The following BICD1 variants were observed in gnomAD, a reference collection of about 807,000 sequenced individuals.
BICD1 encodes the protein BICD cargo adaptor 1.
A neutral mutation model predicts 92.5 loss-of-function variants in BICD1; 35 were observed. The observed-to-expected ratio is 0.38, with a 90% CI of 0.29 to 0.50. BICD1 has a LOEUF of 0.50. BICD1 is among the 20% of genes least tolerant of loss of function. The pLI is 0.93. For synonymous variants in BICD1, 429 were observed against 465.1 expected (o/e 0.92, Z 1.00); for missense variants, 950 against 1,189.8 (o/e 0.80, Z 2.97).
chr12:32,324,723 G>A lies in BICD1; in HGVS notation c.1006-2738G>A, dbSNP rs528211574. ...CCCCAGTAGCTGGGATTACAGGTGCGTGCCACCTTGCCCGGCTAATTTTTT... is the reference window on the plus strand; with the variant it reads ...CCCCAGTAGCTGGGATTACAGGTGCATGCCACCTTGCCCGGCTAATTTTTT... On this transcript the variant is annotated intron_variant, in intron 4 of 9. Transcript: ENST00000652176. Among the ~76,000 whole-genome samples, 270 of 152,014 alleles carry A rather than the reference G, an allele frequency of 1.8e-3. 3 individuals are homozygous for A. The highest frequency in any genetic ancestry group is 6.1e-3 in the African/African-American group (255 of 41,492).
At chr12:32,267,645 A>G (rs139632229) in intron 2 of BICD1, among the ~76,000 whole-genome samples, 55 of 152,306 alleles carry the variant, frequency 3.6e-4, no homozygotes, top group Non-Finnish European at 7.2e-4. Context: ...TATTTAAGAA[A>G]TTCTCTGCTG....
intron 1 of BICD1, among the ~76,000 whole-genome samples, chr12:32,168,624 G>C (rs1160955599): frequency 6.6e-6 from 1 of 152,210 alleles, no homozygotes; most frequent in African/African-American, 2.4e-5. Flanking sequence ...GAGCAAGGCA[G>C]GAACTTGGGA....
chr12:32,126,071 C>T (rs966369251), intron 1 of BICD1, among the ~76,000 whole-genome samples: 2 of 146,194 alleles, frequency 1.4e-5, no homozygotes, highest in African/African-American at 5.1e-5. Context: ...AAAAAAAAAG[C>T]AGTGCATCAA....
chr12:32,163,784 A>G (rs1943669549), intron 1 of BICD1, among the ~76,000 whole-genome samples: 1 of 152,178 alleles, frequency 6.6e-6, no homozygotes, highest in Non-Finnish European at 1.5e-5. Context: ...AGTTAGAATC[A>G]TGAGACTGAT....
At chr12:32,243,264 A>ATTTT (rs71068310) in intron 2 of BICD1, among the ~76,000 whole-genome samples, 86 of 74,026 alleles carry the variant, frequency 1.2e-3, no homozygotes, top group African/African-American at 2.3e-3. Context: ...TGCCTGGCTA[A>ATTTT]TTTTTTTTTT....
intron 2 of BICD1, chr12:32,227,836 G>A (rs1229540804): frequency 1.3e-5 from 2 of 153,790 alleles, no homozygotes; most frequent in East Asian, 1.9e-4. Flanking sequence ...TAACTTGTAT[G>A]AACCCCAGCC....
intron 8 of BICD1, among the ~76,000 whole-genome samples, chr12:32,365,955 G>A (rs1306966128): frequency 2.6e-5 from 4 of 152,138 alleles, no homozygotes; most frequent in East Asian, 3.9e-4. Context: ...ATGATCATCC[G>A]AACACCAGCT....
At chr12:32,229,110 G>A (rs143333658) in intron 2 of BICD1, among the ~76,000 whole-genome samples, 51 of 152,244 alleles carry the variant, frequency 3.3e-4, no homozygotes, top group African/African-American at 1.0e-3. Flanking sequence ...AATTAGCCGG[G>A]CGTGGTGGTG....
intron 2 of BICD1, among the ~76,000 whole-genome samples, chr12:32,282,577 A>G (rs1384077020): frequency 1.3e-5 from 2 of 152,096 alleles, no homozygotes; most frequent in Non-Finnish European, 2.9e-5. Context: ...TGGATTTGAG[A>G]ATCATCAGCA....
intron 7 of BICD1, chr12:32,338,493 A>G: frequency 3.8e-6 from 1 of 262,736 alleles, no homozygotes; most frequent in Non-Finnish European, 7.0e-6. Flanking sequence ...TTTTCGGTTA[A>G]TGGTAACATT....
intron 5 of BICD1, among the ~76,000 whole-genome samples, chr12:32,330,576 A>AATATAT (rs375801223): frequency 1.3e-4 from 19 of 149,486 alleles, no homozygotes; most frequent in African/African-American, 4.6e-4. Flanking sequence ...AGTAAATTAA[A>AATATAT]ATATATATAT....
chr12:32,294,086 T>G lies in BICD1; in HGVS notation c.519T>G (p.Thr173=), dbSNP rs1326389498. Residue 173 remains threonine (T), a synonymous_variant, in exon 3 of 10, where the codon ACT becomes ACG. Coordinates refer to ENST00000652176, the MANE Select transcript of BICD1 (RefSeq NM_001714.4). ...AGGCACGGCTCCTTCAGGACTATACTGAATTGGAAGAAGAAAATATCACAT... is the reference window on the plus strand; with the variant it reads ...AGGCACGGCTCCTTCAGGACTATACGGAATTGGAAGAAGAAAATATCACAT... ...FREARLLQDY[T]ELEEENITLQ... 1 of 1,610,692 alleles carries G rather than the reference T, an allele frequency of 6.2e-7. No individual in the cohort carries two copies. Among genetic ancestry groups the G allele is most frequent in the South Asian group, 1.1e-5 (1 of 89,868 alleles).
intron 3 of BICD1, among the ~76,000 whole-genome samples, chr12:32,298,042 GTGTGATGA>G (rs1947922097): frequency 6.6e-6 from 1 of 151,976 alleles, no homozygotes; most frequent in Non-Finnish European, 1.5e-5. Context: ...AATTAACCAA[GTGTGATGA>G]TGCACACCTG....
At chr12:32,167,982 T>G (rs2121513646) in intron 1 of BICD1, among the ~76,000 whole-genome samples, 1 of 150,880 alleles carries the variant, frequency 6.6e-6, no homozygotes, top group South Asian at 2.1e-4. Flanking sequence ...CCTCAACAGG[T>G]AACATGAAGG....
intron 2 of BICD1, among the ~76,000 whole-genome samples, chr12:32,222,270 T>C (rs1945554548): frequency 6.6e-6 from 1 of 152,238 alleles, no homozygotes; most frequent in Non-Finnish European, 1.5e-5. Flanking sequence ...AAATGAATTA[T>C]CGACCTTAGT....
chr12:32,332,025 A>G (rs889094269), intron 5 of BICD1, among the ~76,000 whole-genome samples: 4 of 152,194 alleles, frequency 2.6e-5, no homozygotes, highest in Non-Finnish European at 4.4e-5. Context: ...TAGGCATTCT[A>G]CTATACAGCC....
intron 1 of BICD1, among the ~76,000 whole-genome samples, chr12:32,207,919 C>T (rs1400666911): frequency 1.3e-5 from 2 of 152,148 alleles, no homozygotes; most frequent in Non-Finnish European, 2.9e-5. Context: ...TAAACGGCCA[C>T]CTGATTCTTG....
chr12:32,231,515 G>C (rs1945886026), intron 2 of BICD1, among the ~76,000 whole-genome samples: 2 of 151,604 alleles, frequency 1.3e-5, no homozygotes, highest in African/African-American at 2.4e-5. Flanking sequence ...AACATCATTT[G>C]GACACAGCTT....
chr12:32,328,960 G>A lies in BICD1; in HGVS notation c.2100+405G>A, dbSNP rs1350702482. On this transcript the variant is annotated intron_variant, in intron 5 of 9. Transcript: ENST00000652176. The surrounding 1 kb of genome is among the most constrained non-coding windows in gnomAD (Gnocchi z 4.4). ...ATACAGCAAGAAAGACAAACACCCA[G>A]CAGGCAGCTAGAGCAAACAGAGGGA... is the stretch of plus-strand genomic sequence containing the variant. 6.6e-6 allele frequency among the ~76,000 whole-genome samples: 1 copy of A among 152,150 alleles called. No individual in the cohort carries two copies. Among genetic ancestry groups the A allele is most frequent in the Admixed American group, 6.5e-5 (1 of 15,280 alleles).
Sources: allele counts gnomAD v4.1 joint callset (sites outside exome capture counted in the v4.1 genomes callset), GRCh38; gene constraint gnomAD v4.1.1; non-coding constraint Gnocchi (gnomAD v3.1); transcripts MANE v1.5; gene names NCBI Gene and HGNC (gene_info 2026-07-23, HGNC 2026-07-21).